TBL1X: variants seen among roughly 807,000 people sequenced by gnomAD.
TBL1X encodes F-box-like/WD repeat-containing protein TBL1X.
Under a neutral mutation model 50.7 loss-of-function variants are expected in TBL1X, and 10 were observed. That is an observed-to-expected ratio of 0.20 (90% confidence interval 0.12 to 0.33). The LOEUF (loss-of-function observed/expected upper bound fraction) is 0.33. Among genes scored for constraint, TBL1X ranks in the 10% least tolerant of loss-of-function variants. TBL1X has a pLI of 1.00. For missense variants in TBL1X, 340 were observed against 504.4 expected, an observed-to-expected ratio of 0.67 and a Z score of 3.12; for synonymous variants, 190 against 214.7, an observed-to-expected ratio of 0.88 and a Z score of 1.01.
intron 17 of TBL1X, among the ~76,000 whole-genome samples, chrX:9,715,585 G>T (rs1417557121): frequency 8.9e-6 from 1 of 111,960 alleles, no homozygotes; most frequent in Non-Finnish European, 1.9e-5. Flanking sequence ...AATCTTACAG[G>T]ACCACTGCGG....
chrX:9,651,562 G>A (rs1420374048), intron 3 of TBL1X, among the ~76,000 whole-genome samples: 1 of 112,592 alleles, frequency 8.9e-6, no homozygotes, highest in Non-Finnish European at 1.9e-5. Flanking sequence ...GCCCAGTGCT[G>A]CAACATTCTT....
intron 2 of TBL1X, among the ~76,000 whole-genome samples, chrX:9,566,483 C>T (rs745515998): frequency 5.4e-5 from 6 of 112,038 alleles, no homozygotes; most frequent in Non-Finnish European, 1.1e-4. Flanking sequence ...CACTGGAACA[C>T]CCGCAATGCT....
At chrX:9,652,614 T>G (rs757928178) in intron 3 of TBL1X, among the ~76,000 whole-genome samples, 66 of 111,960 alleles carry the variant, frequency 5.9e-4, no homozygotes, top group Non-Finnish European at 1.0e-3. Flanking sequence ...CCCACCACTT[T>G]GGAAGTCTGA....
rs2083149849 is a variant in TBL1X at position 9,698,778 on chromosome X, G to A, written c.1114+1349G>A. Among the ~76,000 whole-genome samples the A allele has an allele frequency of 3.6e-5, 4 of 112,074 alleles. No homozygotes were observed. In the Admixed American group the frequency reaches 3.8e-4, roughly 11 times the overall value. On this transcript the variant is annotated intron_variant, in intron 12 of 17. Transcript: ENST00000645353. ...CGCTAGCCAAGGGCCGGCCTTGCAAGCAAGCCTCTGTAGGGAGATCAGCCT... is the reference window on the plus strand; with the variant it reads ...CGCTAGCCAAGGGCCGGCCTTGCAAACAAGCCTCTGTAGGGAGATCAGCCT...
intron 2 of TBL1X, among the ~76,000 whole-genome samples, chrX:9,611,170 G>A (rs1421254459): frequency 8.9e-6 from 1 of 111,946 alleles, no homozygotes; most frequent in African/African-American, 3.2e-5. Context: ...CTTTCAGAAG[G>A]TGGCTCCAGG....
intron 5 of TBL1X, among the ~76,000 whole-genome samples, chrX:9,682,925 GGTGTCCACCCCACC>G (rs1386407199): frequency 1.8e-5 from 2 of 111,777 alleles, no homozygotes; most frequent in African/African-American, 6.5e-5. Flanking sequence ...GGAATGCCTT[GGTGTCCACCCCACC>G]TGTTGCCAGG....
intron 12 of TBL1X, among the ~76,000 whole-genome samples, chrX:9,702,568 T>G (rs1192303003): frequency 9.7e-6 from 1 of 103,088 alleles, no homozygotes; most frequent in Non-Finnish European, 2.0e-5. Context: ...ATTGTGCCAC[T>G]GCACTCCAGC....
chrX:9,644,607 C>T (rs993104878), intron 3 of TBL1X: 1 of 111,067 alleles, frequency 9.0e-6, no homozygotes, highest in African/African-American at 3.3e-5. Context: ...TGGCAGGGCA[C>T]AGAAAGGACC....
intron 2 of TBL1X, among the ~76,000 whole-genome samples, chrX:9,545,694 C>T (rs1170951591): frequency 9.0e-6 from 1 of 110,877 alleles, no homozygotes; most frequent in Non-Finnish European, 1.9e-5. Flanking sequence ...CCCTTCACTC[C>T]ATGGATGTGT....
At chrX:9,702,782 A>G (rs970761372) in intron 12 of TBL1X, among the ~76,000 whole-genome samples, 2 of 111,906 alleles carry the variant, frequency 1.8e-5, no homozygotes, top group Non-Finnish European at 3.8e-5. Context: ...GGCAAATAAC[A>G]GAATGGACCA....
chrX:9,711,263 G>A (rs2083244635), intron 15 of TBL1X, among the ~76,000 whole-genome samples: 1 of 107,541 alleles, frequency 9.3e-6, no homozygotes, highest in Non-Finnish European at 1.9e-5. Context: ...GATCACTTGA[G>A]CCCAGGAGTT....
intron 2 of TBL1X, among the ~76,000 whole-genome samples, chrX:9,531,463 T>G (rs933084962): frequency 1.9e-5 from 2 of 107,961 alleles, no homozygotes; most frequent in African/African-American, 6.8e-5. Flanking sequence ...CTTGGTTGAT[T>G]AAATGTCAAT....
At chrX:9,523,044 A>G (rs909187415) in intron 2 of TBL1X, among the ~76,000 whole-genome samples, 11 of 111,826 alleles carry the variant, frequency 9.8e-5, no homozygotes, top group Non-Finnish European at 2.1e-4. Context: ...TCTGTCTTCT[A>G]TTCTTCATTC....
chrX:9,659,597 C>T (rs894838088), intron 5 of TBL1X, among the ~76,000 whole-genome samples: 1 of 112,147 alleles, frequency 8.9e-6, no homozygotes, highest in African/African-American at 3.2e-5. Context: ...TTTGTATGAA[C>T]GCAGGTTTTC....
At chrX:9,626,886 G>T (rs778739370) in intron 2 of TBL1X, among the ~76,000 whole-genome samples, 3 of 112,274 alleles carry the variant, frequency 2.7e-5, no homozygotes, top group Non-Finnish European at 5.6e-5. Flanking sequence ...TACAAGGGTG[G>T]CAACTTTTAT....
intron 12 of TBL1X, among the ~76,000 whole-genome samples, chrX:9,698,699 C>T (rs1294222144): frequency 2.7e-5 from 3 of 111,949 alleles, no homozygotes; most frequent in African/African-American, 9.8e-5. Flanking sequence ...CAGAGTGAGC[C>T]GCTTGCGTCT....
In TBL1X at chrX:9,465,190, C is replaced by G. The variant is rs1465421693; in HGVS notation, c.-458C>G. 3.7e-5 allele frequency: 4 copies of G among 109,206 alleles called. No homozygotes were observed. Among genetic ancestry groups the G allele is most frequent in the African/African-American group, 1.3e-4 (4 of 30,165 alleles). 9.0% of individuals were successfully genotyped at this position (109,206 alleles called of 1,213,427 possible). On this transcript the variant is annotated 5_prime_UTR_variant, in exon 1 of 18. Coordinates refer to ENST00000645353, the MANE Select transcript of TBL1X (RefSeq NM_005647.4). ...CCACTCCGCGCTTGGGAGCGAGGAG[C>G]CGCCAGCGCCCCCGCCCCGCCGCCG... is the stretch of plus-strand genomic sequence containing the variant.
intron 2 of TBL1X, among the ~76,000 whole-genome samples, chrX:9,549,316 G>A (rs2082259958): frequency 8.9e-6 from 1 of 112,633 alleles, no homozygotes; most frequent in Non-Finnish European, 1.9e-5. Context: ...TCCAGCCTGA[G>A]TGAGGCCATC....
In TBL1X at chrX:9,487,207, ATT is replaced by A. The variant is rs1326537219; in HGVS notation, c.-200-14569_-200-14568del. Among the ~76,000 whole-genome samples the A allele has an allele frequency of 1.1e-4, 12 of 111,566 alleles. No individual in the cohort carries two copies. The Admixed American group carries it at 1.1e-3, about 11-fold the overall frequency. On this transcript the variant is annotated intron_variant, in intron 1 of 17. Coordinates refer to ENST00000645353, the MANE Select transcript of TBL1X (RefSeq NM_005647.4). ...GTGTGTAATTCAGGAATTTCCTAGTATTTTTACAAAGTTGCACAACCATCACC... is the reference window on the plus strand; with the variant it reads ...GTGTGTAATTCAGGAATTTCCTAGTATTTACAAAGTTGCACAACCATCACC...
Sources: gnomAD v4.1 joint callset for allele counts (sites outside exome capture counted in the v4.1 genomes callset) on GRCh38, gnomAD v4.1.1 for gene constraint, MANE v1.5 for transcripts, NCBI Gene and HGNC (gene_info 2026-07-23, HGNC 2026-07-21) for gene names.